Variants in SLC4A5 observed in about 807,000 individuals in gnomAD.
SLC4A5 encodes solute carrier family 4 member 5.
Under a neutral mutation model 120.4 loss-of-function variants are expected in SLC4A5, and 96 were observed. That is an observed-to-expected ratio of 0.80 (90% CI 0.68 to 0.94). SLC4A5 has a LOEUF of 0.94. SLC4A5 is among the 40% of genes least tolerant of loss of function. The pLI is 0.00. For missense variants in SLC4A5, 1,259 were observed against 1,459.5 expected (o/e 0.86, Z 2.24); for synonymous variants, 550 against 571.1 (o/e 0.96, Z 0.53).
chr2:74,282,462 T>C (rs1409567652), intron 8 of SLC4A5, among the ~76,000 whole-genome samples: 1 of 152,228 alleles, frequency 6.6e-6, no homozygotes, highest in Non-Finnish European at 1.5e-5. Context: ...CCTGATGGCC[T>C]TTCTTCCAGG....
chr2:74,225,026 G>C, intron 27 of SLC4A5, 31 bp from the exon 28 acceptor site: 1 of 1,592,028 alleles, frequency 6.3e-7, no homozygotes, highest in Non-Finnish European at 8.5e-7. Flanking sequence ...AGTTTTGTGA[G>C]AATTTGGAGA....
At chr2:74,310,961 AATTATT>A (rs142712358) in intron 6 of SLC4A5, among the ~76,000 whole-genome samples, 1 of 146,110 alleles carries the variant, frequency 6.8e-6, no homozygotes, top group African/African-American at 2.5e-5. Context: ...GTAAGTTGTT[AATTATT>A]ATTATCTATT....
chr2:74,276,488 C>A (rs1326424981), intron 8 of SLC4A5, among the ~76,000 whole-genome samples: 2 of 152,176 alleles, frequency 1.3e-5, no homozygotes, highest in African/African-American at 4.8e-5. Context: ...GCAGTTACAT[C>A]AGCAGATCTC....
intron 4 of SLC4A5, among the ~76,000 whole-genome samples, chr2:74,330,292 G>A (rs1056357740): frequency 5.3e-5 from 8 of 150,336 alleles, no homozygotes; most frequent in Non-Finnish European, 1.2e-4. Flanking sequence ...GGAGTGTGGT[G>A]TAGGTGTAGG....
intron 5 of SLC4A5, among the ~76,000 whole-genome samples, chr2:74,326,374 T>C (rs980151719): frequency 6.6e-6 from 1 of 152,202 alleles, no homozygotes; most frequent in African/African-American, 2.4e-5. Context: ...CTTTAGATCA[T>C]AGATCGCCTT....
intron 5 of SLC4A5, among the ~76,000 whole-genome samples, chr2:74,326,738 G>A (rs1346396366): frequency 6.6e-6 from 1 of 152,186 alleles, no homozygotes; most frequent in African/African-American, 2.4e-5. Context: ...GCAATTGCTT[G>A]AATCCAGGAG....
intron 5 of SLC4A5, among the ~76,000 whole-genome samples, chr2:74,321,342 A>C (rs1489347045): frequency 3.3e-5 from 5 of 152,180 alleles, no homozygotes; most frequent in African/African-American, 1.2e-4. Context: ...AACCTGAGGA[A>C]GGAGTCCCTT....
chr2:74,304,113 T>A (rs1672560857), intron 7 of SLC4A5, among the ~76,000 whole-genome samples: 1 of 152,116 alleles, frequency 6.6e-6, no homozygotes, highest in South Asian at 2.1e-4. Context: ...CCTCCCAAAG[T>A]GCTGGGATTA....
intron 2 of SLC4A5, among the ~76,000 whole-genome samples, chr2:74,341,855 C>A (rs1673636543): frequency 2.0e-5 from 3 of 152,162 alleles, no homozygotes; most frequent in Admixed American, 1.3e-4. Flanking sequence ...GAGAGGAAGG[C>A]TAAGACACAA....
rs1461082165 is a variant in SLC4A5, at chr2:74,303,975, A to G, written c.271+514T>C. Among the ~76,000 whole-genome samples the G allele has an allele frequency of 3.3e-5, 5 of 149,440 alleles. No individual in the cohort carries two copies. In the South Asian group the frequency reaches 8.5e-4, roughly 25 times the overall value. The stretch of plus-strand genomic sequence containing the variant: ...CGCCATTCTCCTGCCTCAGCCTCCC[A>G]AGTAGCTGGGACTACAGGCACCCGC... On this transcript the variant is annotated intron_variant, in intron 7 of 30. Transcript: ENST00000394019.
At chr2:74,295,639 C>CA in intron 7 of SLC4A5, among the ~76,000 whole-genome samples, 1 of 151,954 alleles carries the variant, frequency 6.6e-6, no homozygotes, top group East Asian at 1.9e-4. Flanking sequence ...TTCTCAAAAA[C>CA]AAAAAACACA....
At chr2:74,309,674 G>C (rs1014598287) in intron 6 of SLC4A5, among the ~76,000 whole-genome samples, 1 of 82,054 alleles carries the variant, frequency 1.2e-5, no homozygotes, top group Non-Finnish European at 2.5e-5. Context: ...TTTTTTTTTT[G>C]AGACAGAGTC....
intron 22 of SLC4A5, among the ~76,000 whole-genome samples, chr2:74,234,521 C>T (rs973109081): frequency 8.5e-5 from 13 of 152,330 alleles, no homozygotes; most frequent in Middle Eastern, 3.4e-3. Flanking sequence ...TAGCTACAAG[C>T]ATATGTCACC....
chr2:74,225,376 G>A (rs1341895062), intron 27 of SLC4A5, among the ~76,000 whole-genome samples: 3 of 152,108 alleles, frequency 2.0e-5, no homozygotes, highest in Non-Finnish European at 4.4e-5. Context: ...TGGGCAGATC[G>A]CCTGAGGTCA....
intron 8 of SLC4A5, among the ~76,000 whole-genome samples, chr2:74,271,291 G>C (rs1006237728): frequency 6.6e-6 from 1 of 152,068 alleles, no homozygotes; most frequent in Non-Finnish European, 1.5e-5. Flanking sequence ...CCCTAGGATG[G>C]TTCTCAACCT....
intron 7 of SLC4A5, among the ~76,000 whole-genome samples, chr2:74,301,811 T>C (rs924598478): frequency 2.0e-5 from 3 of 152,212 alleles, no homozygotes; most frequent in African/African-American, 7.2e-5. Context: ...GCCCATGGGC[T>C]GCAGAAAAAT....
rs1671623526 is a variant in SLC4A5, at chr2:74,275,885, CA to C, written c.401+9887del. Among the ~76,000 whole-genome samples the C allele has an allele frequency of 2.6e-5, 4 of 152,110 alleles. No homozygotes were observed. In the East Asian group the frequency reaches 7.7e-4, roughly 29 times the overall value. On this transcript the variant is annotated intron_variant, in intron 8 of 30. Transcript: ENST00000394019. Reference sequence around the variant, plus strand: ...GGAGCCTGCCCAAGGTCATGCAGCTCATAAGAGACAGGGTTTGAAGGCATGT... The same window carrying C: ...GGAGCCTGCCCAAGGTCATGCAGCTCTAAGAGACAGGGTTTGAAGGCATGT...
At chr2:74,245,803 T>C (rs1350364691) in intron 19 of SLC4A5, among the ~76,000 whole-genome samples, 2 of 152,036 alleles carry the variant, frequency 1.3e-5, no homozygotes, top group East Asian at 3.8e-4. Context: ...TGACTTATGA[T>C]TTTTTTTACC....
intron 3 of SLC4A5, among the ~76,000 whole-genome samples, chr2:74,338,408 A>C (rs1347899452): frequency 6.6e-6 from 1 of 152,250 alleles, no homozygotes; most frequent in Non-Finnish European, 1.5e-5. Context: ...AGATATCAAG[A>C]AATTTTTCAA....
Sources: allele counts gnomAD v4.1 joint callset (sites outside exome capture counted in the v4.1 genomes callset), GRCh38; gene constraint gnomAD v4.1.1; transcripts MANE v1.5; gene names NCBI Gene and HGNC (gene_info 2026-07-23, HGNC 2026-07-21).